CCDC172: variants seen among roughly 807,000 people sequenced by gnomAD.
The protein encoded by CCDC172 is coiled-coil domain containing 172, also known as coiled-coil domain-containing protein 172.
A neutral mutation model predicts 38.0 loss-of-function variants in CCDC172; 30 were observed. The observed-to-expected ratio is 0.79, with a 90% CI of 0.59 to 1.07. The LOEUF is 1.07. CCDC172 is among the 50% of genes least tolerant of loss of function. The pLI is 0.00. For missense variants in CCDC172, 297 were observed against 290.1 expected, an observed-to-expected ratio of 1.02 and a Z score of -0.17; for synonymous variants, 78 against 88.3, an observed-to-expected ratio of 0.88 and a Z score of 0.66.
At chr10:116,343,292 T>G (rs1387441762) in intron 5 of CCDC172, among the ~76,000 whole-genome samples, 2 of 152,180 alleles carry the variant, frequency 1.3e-5, no homozygotes, top group Admixed American at 1.3e-4. Flanking sequence ...GCCCTTCATA[T>G]TCCCAATATA....
chr10:116,325,732 T>G (rs1844583015), intron 3 of CCDC172, among the ~76,000 whole-genome samples: 1 of 152,238 alleles, frequency 6.6e-6, no homozygotes. Flanking sequence ...GAATGATAAA[T>G]AATTTGTGTG....
At chr10:116,352,862 T>C (rs1047753707) in intron 5 of CCDC172, among the ~76,000 whole-genome samples, 1 of 151,996 alleles carries the variant, frequency 6.6e-6, no homozygotes, top group Non-Finnish European at 1.5e-5. Context: ...TGATCTCGTA[T>C]ATAGAAAACC....
At chr10:116,352,789 GAA>G (rs1282784161) in intron 5 of CCDC172, among the ~76,000 whole-genome samples, 7 of 150,748 alleles carry the variant, frequency 4.6e-5, no homozygotes, top group Non-Finnish European at 8.9e-5. Flanking sequence ...AAAAAAAAGA[GAA>G]AAAGAAAAAG....
intron 1 of CCDC172, 119 bp from the exon 2 acceptor site, chr10:116,324,828 C>T (rs1844569218): frequency 3.3e-6 from 2 of 607,876 alleles, no homozygotes; most frequent in South Asian, 2.0e-5. Context: ...CCCTCAGACC[C>T]CTCAGACACC....
chr10:116,377,060 C>A (rs1845254684), intron 7 of CCDC172, among the ~76,000 whole-genome samples: 1 of 152,000 alleles, frequency 6.6e-6, no homozygotes, highest in Non-Finnish European at 1.5e-5. Flanking sequence ...GGAGGGATAG[C>A]ATTAGGAGAT....
At chr10:116,374,784 T>A (rs921725694) in intron 7 of CCDC172, among the ~76,000 whole-genome samples, 1 of 151,690 alleles carries the variant, frequency 6.6e-6, no homozygotes, top group African/African-American at 2.4e-5. Flanking sequence ...ATGAAAATGG[T>A]CTAAATATGC....
At chr10:116,346,727 T>C (rs1844872690) in intron 5 of CCDC172, among the ~76,000 whole-genome samples, 2 of 152,274 alleles carry the variant, frequency 1.3e-5, no homozygotes, top group Admixed American at 1.3e-4. Context: ...TCTAGAAATA[T>C]GGATTTATTT....
At chr10:116,369,761 A>C (rs1845164141) in intron 7 of CCDC172, among the ~76,000 whole-genome samples, 1 of 152,026 alleles carries the variant, frequency 6.6e-6, no homozygotes, top group South Asian at 2.1e-4. Flanking sequence ...ATGCAAATGT[A>C]GTTTTGTTGG....
chr10:116,342,711 T>C (rs192003720), intron 5 of CCDC172, among the ~76,000 whole-genome samples: 1 of 152,272 alleles, frequency 6.6e-6, no homozygotes, highest in African/African-American at 2.4e-5. Flanking sequence ...TTGGGCCTGG[T>C]GGGAGGTGAT....
chr10:116,338,515 A>C (rs925443719), intron 3 of CCDC172, among the ~76,000 whole-genome samples: 3 of 152,120 alleles, frequency 2.0e-5, no homozygotes, highest in Admixed American at 6.5e-5. Context: ...GGGAAGAGGA[A>C]AATTATGGAT....
intron 3 of CCDC172, among the ~76,000 whole-genome samples, chr10:116,336,146 G>A (rs561389701): frequency 6.6e-6 from 1 of 150,978 alleles, no homozygotes; most frequent in Non-Finnish European, 1.5e-5. Flanking sequence ...CAGCCTGGGC[G>A]ACAAGAGTAA....
At chr10:116,325,616 C>A (rs1844582082) in intron 3 of CCDC172, among the ~76,000 whole-genome samples, 1 of 152,168 alleles carries the variant, frequency 6.6e-6, no homozygotes, top group South Asian at 2.1e-4. Context: ...ATGAAGAATT[C>A]ATTGTCCATT....
At chr10:116,337,277 C>T (rs1006102422) in intron 3 of CCDC172, among the ~76,000 whole-genome samples, 2 of 152,058 alleles carry the variant, frequency 1.3e-5, no homozygotes, top group Admixed American at 6.6e-5. Context: ...CCTTAGCCTC[C>T]TGAGTAGCTG....
intron 7 of CCDC172, among the ~76,000 whole-genome samples, chr10:116,366,160 A>G (rs1454342789): frequency 2.0e-5 from 3 of 152,162 alleles, no homozygotes; most frequent in African/African-American, 7.2e-5. Flanking sequence ...TACTAATATA[A>G]TGAGCACCTG....
intron 7 of CCDC172, among the ~76,000 whole-genome samples, chr10:116,368,679 AG>A (rs1365261573): frequency 2.0e-5 from 3 of 151,988 alleles, no homozygotes; most frequent in African/African-American, 7.2e-5. Flanking sequence ...TTTTTCAAGA[AG>A]CCCTATTATC....
chr10:116,325,468 A>C, intron 3 of CCDC172, 80 bp downstream of exon 3: 7 of 1,094,016 alleles, frequency 6.4e-6, no homozygotes, highest in Non-Finnish European at 9.4e-6. Flanking sequence ...TTCAGTGTTT[A>C]ACCAGTTGTC....
chr10:116,344,060 C>A (rs1340695261), intron 5 of CCDC172, among the ~76,000 whole-genome samples: 2 of 151,726 alleles, frequency 1.3e-5, no homozygotes, highest in South Asian at 2.1e-4. Context: ...AGGAAATAAT[C>A]CAAAAACAAA....
chr10:116,373,107 A>C (rs1845205828), intron 7 of CCDC172, among the ~76,000 whole-genome samples: 1 of 152,164 alleles, frequency 6.6e-6, no homozygotes. Context: ...GAAATGGTTC[A>C]AATGGGCCAG....
At chr10:116,330,138 A>C (rs1844642053) in intron 3 of CCDC172, among the ~76,000 whole-genome samples, 1 of 152,178 alleles carries the variant, frequency 6.6e-6, no homozygotes. Context: ...AAATGAAGTA[A>C]GCCTAAAATG....
Sources: gnomAD v4.1 joint callset for allele counts (sites outside exome capture counted in the v4.1 genomes callset) on GRCh38, gnomAD v4.1.1 for gene constraint, MANE v1.5 for transcripts, NCBI Gene and HGNC (gene_info 2026-07-23, HGNC 2026-07-21) for gene names.